MAN1A1: variants seen among roughly 807,000 people sequenced by gnomAD.
The protein encoded by MAN1A1 is mannosidase alpha class 1A member 1.
Under a neutral mutation model 70.8 loss-of-function variants are expected in MAN1A1, and 29 were observed. That is an observed-to-expected ratio of 0.41 (90% CI 0.31 to 0.56). MAN1A1 has a LOEUF of 0.56. MAN1A1 is among the 20% of genes least tolerant of loss of function. MAN1A1 has a pLI of 0.29. For missense variants in MAN1A1, 747 were observed against 841.3 expected (o/e 0.89, Z 1.39); for synonymous variants, 349 against 330.1 (o/e 1.06, Z -0.62).
intron 5 of MAN1A1, among the ~76,000 whole-genome samples, chr6:119,250,065 T>C (rs1486473950): frequency 6.6e-6 from 1 of 152,168 alleles, no homozygotes; most frequent in East Asian, 1.9e-4. Flanking sequence ...CAATAACTTG[T>C]AGTGTATGGA....
chr6:119,232,780 T>C (rs1266589840), intron 6 of MAN1A1, among the ~76,000 whole-genome samples: 1 of 151,926 alleles, frequency 6.6e-6, no homozygotes, highest in African/African-American at 2.4e-5. Flanking sequence ...AATATTAGCT[T>C]ATCTGGCTGC....
chr6:119,185,483 A>G (rs1252993379), intron 11 of MAN1A1, among the ~76,000 whole-genome samples: 3 of 152,202 alleles, frequency 2.0e-5, no homozygotes, highest in Non-Finnish European at 2.9e-5. Flanking sequence ...TTACAAACTG[A>G]AAGTATGGGT....
intron 2 of MAN1A1, among the ~76,000 whole-genome samples, chr6:119,336,048 A>T (rs1164426485): frequency 6.6e-6 from 1 of 152,120 alleles, no homozygotes; most frequent in African/African-American, 2.4e-5. Context: ...CTGAATCAGA[A>T]ACTCCAGGCT....
At chr6:119,245,294 GAT>G (rs1304302523) in intron 6 of MAN1A1, among the ~76,000 whole-genome samples, 2 of 152,242 alleles carry the variant, frequency 1.3e-5, no homozygotes, top group East Asian at 3.9e-4. Context: ...GATTTTGCCA[GAT>G]ATATGTTTCC....
At position 119,290,663 on chromosome 6, in the gene MAN1A1, T is replaced by C; in HGVS notation, c.897+20A>G. On this transcript the variant is annotated intron_variant, in intron 5 of 12. Coordinates refer to ENST00000368468, the MANE Select transcript of MAN1A1 (RefSeq NM_005907.4). ...TAAGACACTTTATAATTCACATTTA[T>C]ATACCACTTTTCATCTTACCTCTTC... The C allele has an allele frequency of 6.4e-7, 1 of 1,568,698 alleles. No homozygotes were observed. Among genetic ancestry groups the C allele is most frequent in the East Asian group, 2.2e-5 (1 of 44,490 alleles).
At chr6:119,309,336 C>T (rs990151733) in intron 2 of MAN1A1, among the ~76,000 whole-genome samples, 3 of 152,142 alleles carry the variant, frequency 2.0e-5, no homozygotes, top group South Asian at 2.1e-4. Context: ...CTCAGATTTA[C>T]GACTTACACA....
chr6:119,262,143 G>A (rs758128473), intron 5 of MAN1A1, among the ~76,000 whole-genome samples: 5 of 152,142 alleles, frequency 3.3e-5, no homozygotes, highest in Non-Finnish European at 4.4e-5. Context: ...AAAAGAAATG[G>A]AGTCAAGCTG....
intron 3 of MAN1A1, among the ~76,000 whole-genome samples, chr6:119,304,296 G>A (rs1195138240): frequency 6.6e-6 from 1 of 152,104 alleles, no homozygotes; most frequent in Non-Finnish European, 1.5e-5. Context: ...TAAATTTTTT[G>A]AAGCTAGAAC....
chr6:119,215,619 A>T (rs1160829747), intron 6 of MAN1A1, among the ~76,000 whole-genome samples: 1 of 152,238 alleles, frequency 6.6e-6, no homozygotes, highest in Non-Finnish European at 1.5e-5. Flanking sequence ...TTGGGTCTAC[A>T]CTTGGCACAA....
intron 8 of MAN1A1, among the ~76,000 whole-genome samples, chr6:119,199,507 G>A (rs1426639181): frequency 6.6e-6 from 1 of 151,898 alleles, no homozygotes; most frequent in Admixed American, 6.6e-5. Flanking sequence ...TGACAAAGGT[G>A]TGTACTCACA....
At chr6:119,195,088 C>T (rs951032714) in intron 8 of MAN1A1, among the ~76,000 whole-genome samples, 43 of 152,146 alleles carry the variant, frequency 2.8e-4, no homozygotes, top group Non-Finnish European at 5.3e-4. Context: ...GCCTCAGCCT[C>T]CCAAAAGTGC....
At chr6:119,235,784 T>C (rs1025729210) in intron 6 of MAN1A1, among the ~76,000 whole-genome samples, 1 of 152,146 alleles carries the variant, frequency 6.6e-6, no homozygotes, top group African/African-American at 2.4e-5. Flanking sequence ...GACTCTCCTG[T>C]TAGGGTCTAA....
Position 119,311,841 on chromosome 6 carries a change from A to G in MAN1A1, c.604-4849T>C, listed in dbSNP as rs533367703. Among the ~76,000 whole-genome samples the G allele has an allele frequency of 3.9e-5, 6 of 152,314 alleles. No homozygotes were observed. In the South Asian group the frequency reaches 1.2e-3, roughly 32 times the overall value. ...AAAACCACAAAGCTCTATCTTATCAATGGCCAACAGATGCTAGGTAAGGTT... is the reference window on the plus strand; with the variant it reads ...AAAACCACAAAGCTCTATCTTATCAGTGGCCAACAGATGCTAGGTAAGGTT... On this transcript the variant is annotated intron_variant, in intron 2 of 12. Coordinates refer to ENST00000368468, the MANE Select transcript of MAN1A1 (RefSeq NM_005907.4).
At chr6:119,347,639 G>T (rs1773767919) in intron 2 of MAN1A1, among the ~76,000 whole-genome samples, 1 of 152,144 alleles carries the variant, frequency 6.6e-6, no homozygotes, top group Non-Finnish European at 1.5e-5. Flanking sequence ...AGAGCTCTGG[G>T]CCCTTCGATC....
intron 2 of MAN1A1, among the ~76,000 whole-genome samples, chr6:119,337,465 A>G (rs1365501404): frequency 6.6e-6 from 1 of 152,156 alleles, no homozygotes; most frequent in Non-Finnish European, 1.5e-5. Context: ...TATTATGGGC[A>G]GGGCCCAGAG....
intron 4 of MAN1A1, among the ~76,000 whole-genome samples, chr6:119,298,997 T>C (rs1472393826): frequency 6.6e-6 from 1 of 152,094 alleles, no homozygotes; most frequent in Non-Finnish European, 1.5e-5. Context: ...AGAATGATAC[T>C]ACATGTTATT....
chr6:119,193,411 ACTGT>A (rs1423484248), intron 9 of MAN1A1, among the ~76,000 whole-genome samples: 1 of 152,142 alleles, frequency 6.6e-6, no homozygotes, highest in South Asian at 2.1e-4. Flanking sequence ...AGCCATTGGG[ACTGT>A]CTGTCTTCTC....
At chr6:119,310,411 T>C (rs963398267) in intron 2 of MAN1A1, among the ~76,000 whole-genome samples, 3 of 152,240 alleles carry the variant, frequency 2.0e-5, no homozygotes, top group African/African-American at 7.2e-5. Flanking sequence ...GTCCCACTTA[T>C]GGCCTCCTTC....
At chr6:119,306,859 G>A (rs1398508359) in intron 3 of MAN1A1, 37 bp downstream of exon 3, 2 of 1,400,058 alleles carry the variant, frequency 1.4e-6, no homozygotes, top group Non-Finnish European at 1.0e-6. Context: ...TTGGGGAGAA[G>A]TTATCGTCAC....
Sources: gnomAD v4.1 joint callset for allele counts (sites outside exome capture counted in the v4.1 genomes callset) on GRCh38, gnomAD v4.1.1 for gene constraint, MANE v1.5 for transcripts, NCBI Gene and HGNC (gene_info 2026-07-23, HGNC 2026-07-21) for gene names.